The following CRIM1 variants were observed in gnomAD, a reference collection of about 807,000 sequenced individuals.
CRIM1 encodes cysteine-rich motor neuron 1 protein.
A neutral mutation model predicts 116.4 loss-of-function variants in CRIM1; 32 were observed. That is an observed-to-expected ratio of 0.27 (90% CI 0.21 to 0.37). The LOEUF (loss-of-function observed/expected upper bound fraction) is 0.37. CRIM1 is among the 10% of genes least tolerant of loss of function. The probability of loss-of-function intolerance (pLI) is 1.00; values close to 1 mark genes in which losing one functional copy is unlikely to be tolerated. For missense variants in CRIM1, 1,331 were observed against 1,354.8 expected, an observed-to-expected ratio of 0.98 and a Z score of 0.28; for synonymous variants, 590 against 509.2, an observed-to-expected ratio of 1.16 and a Z score of -2.13.
At chr2:36,399,965 T>C (rs1024341414) in intron 2 of CRIM1, among the ~76,000 whole-genome samples, 1 of 152,234 alleles carries the variant, frequency 6.6e-6, no homozygotes, top group Non-Finnish European at 1.5e-5. Context: ...TTAGTGGTTA[T>C]GCCTTTGAAA....
intron 2 of CRIM1, among the ~76,000 whole-genome samples, chr2:36,419,886 T>C (rs1463348037): frequency 6.6e-6 from 1 of 152,224 alleles, no homozygotes; most frequent in African/African-American, 2.4e-5. Context: ...ATGATGGCAG[T>C]TTATAAATAA....
At chr2:36,529,052 C>A (rs1181393558) in intron 13 of CRIM1, 2 of 468,496 alleles carry the variant, frequency 4.3e-6, no homozygotes, top group Non-Finnish European at 8.9e-6. Context: ...TCCAGCCCCA[C>A]GTTCTTAATT....
chr2:36,411,311 C>T (rs1572671593), intron 2 of CRIM1, among the ~76,000 whole-genome samples: 1 of 152,176 alleles, frequency 6.6e-6, no homozygotes, highest in East Asian at 1.9e-4. Context: ...GCCTCTCAGC[C>T]TGGCTTCATG....
chr2:36,516,307 C>G (rs1250716788), intron 11 of CRIM1, among the ~76,000 whole-genome samples: 3 of 152,196 alleles, frequency 2.0e-5, no homozygotes, highest in African/African-American at 7.2e-5. Flanking sequence ...CAAGCATGAG[C>G]TAGCCGTGAT....
At chr2:36,517,657 A>C in intron 12 of CRIM1, 115 bp downstream of exon 12, 2 of 982,598 alleles carry the variant, frequency 2.0e-6, no homozygotes, top group Non-Finnish European at 3.0e-6. Context: ...TGCCAAACCC[A>C]GTATCCCATC....
intron 2 of CRIM1, among the ~76,000 whole-genome samples, chr2:36,400,035 G>A (rs1432411638): frequency 6.6e-6 from 1 of 152,190 alleles, no homozygotes; most frequent in Non-Finnish European, 1.5e-5. Context: ...GTGCAGTTTA[G>A]GTAGAGAGGT....
At chr2:36,517,581 G>A (rs1665112113) in intron 12 of CRIM1, 39 bp downstream of exon 12, 1 of 1,583,768 alleles carries the variant, frequency 6.3e-7, no homozygotes, top group Non-Finnish European at 8.6e-7. Flanking sequence ...TGGTGGGGAA[G>A]GATGCAGCTC....
chr2:36,446,640 T>C (rs1025522247), intron 4 of CRIM1, among the ~76,000 whole-genome samples: 1 of 152,262 alleles, frequency 6.6e-6, no homozygotes, highest in African/African-American at 2.4e-5. Flanking sequence ...TGATTCTTCC[T>C]TCCCTCAACT....
chr2:36,489,169 C>T (rs1249009164), intron 7 of CRIM1, among the ~76,000 whole-genome samples: 1 of 152,118 alleles, frequency 6.6e-6, no homozygotes, highest in Non-Finnish European at 1.5e-5. Context: ...CTACCATTTG[C>T]CCGTGCCTGT....
intron 5 of CRIM1, among the ~76,000 whole-genome samples, chr2:36,474,277 G>T (rs988045678): frequency 1.3e-5 from 2 of 152,034 alleles, no homozygotes; most frequent in African/African-American, 4.8e-5. Flanking sequence ...CTGTAGGGTT[G>T]TCTTTTTACC....
chr2:36,540,887 T>C (rs1215051695), intron 14 of CRIM1, among the ~76,000 whole-genome samples: 1 of 152,194 alleles, frequency 6.6e-6, no homozygotes, highest in East Asian at 1.9e-4. Flanking sequence ...GTGAGTTTGA[T>C]AAGAGAGAGT....
chr2:36,461,670 C>G (rs533549677), intron 4 of CRIM1, among the ~76,000 whole-genome samples: 8 of 152,254 alleles, frequency 5.3e-5, no homozygotes, highest in Non-Finnish European at 1.0e-4. Flanking sequence ...ACATGGGACT[C>G]ATATCATTTG....
chr2:36,448,033 G>A (rs758834680), intron 4 of CRIM1, among the ~76,000 whole-genome samples: 1 of 152,166 alleles, frequency 6.6e-6, no homozygotes, highest in African/African-American at 2.4e-5. Context: ...CTGAGCCACC[G>A]CTTCAGCTTT....
chr2:36,487,067 C>A (rs1432210351), intron 7 of CRIM1, among the ~76,000 whole-genome samples: 1 of 152,150 alleles, frequency 6.6e-6, no homozygotes, highest in African/African-American at 2.4e-5. Context: ...TTTGTCTACC[C>A]AGTAGAATTT....
chr2:36,372,742 T>C (rs1018672046), intron 1 of CRIM1, among the ~76,000 whole-genome samples: 1 of 152,176 alleles, frequency 6.6e-6, no homozygotes, highest in African/African-American at 2.4e-5. Flanking sequence ...TTGTTGATAA[T>C]GTTAGTGTAT....
At chr2:36,490,626 T>C (rs1680161362) in intron 7 of CRIM1, among the ~76,000 whole-genome samples, 1 of 152,186 alleles carries the variant, frequency 6.6e-6, no homozygotes, top group Non-Finnish European at 1.5e-5. Context: ...CCCGGGTTCT[T>C]CTGATGAGCC....
At chr2:36,385,732 G>C (rs992010966) in intron 1 of CRIM1, among the ~76,000 whole-genome samples, 2 of 152,130 alleles carry the variant, frequency 1.3e-5, no homozygotes, top group East Asian at 1.9e-4. Flanking sequence ...CCCAGCCTTT[G>C]ACTACCTCAC....
intron 2 of CRIM1, among the ~76,000 whole-genome samples, chr2:36,424,407 A>T (rs1674297404): frequency 6.6e-6 from 1 of 152,170 alleles, no homozygotes; most frequent in Non-Finnish European, 1.5e-5. Context: ...ATGGTTGCTC[A>T]GTAAATGTTG....
At chr2:36,477,383 G>T (rs1340911769) in intron 6 of CRIM1, among the ~76,000 whole-genome samples, 3 of 152,164 alleles carry the variant, frequency 2.0e-5, no homozygotes, top group African/African-American at 7.2e-5. Context: ...AAGTCCTAGG[G>T]CAAAGCTTTA....
Sources: gnomAD v4.1 joint callset for allele counts (sites outside exome capture counted in the v4.1 genomes callset) on GRCh38, gnomAD v4.1.1 for gene constraint, MANE v1.5 for transcripts, NCBI Gene and HGNC (gene_info 2026-07-23, HGNC 2026-07-21) for gene names.